SPIRE1: variants seen among roughly 807,000 people sequenced by gnomAD.
SPIRE1 encodes the protein spire type actin nucleation factor 1, also known as protein spire homolog 1.
Under a neutral mutation model 94.1 loss-of-function variants are expected in SPIRE1, and 40 were observed. The ratio of observed to expected loss-of-function variants is 0.43; its 90% CI spans 0.33 to 0.55. The LOEUF (loss-of-function observed/expected upper bound fraction) is 0.55. Among genes scored for constraint, SPIRE1 ranks in the 20% least tolerant of loss-of-function variants. The probability of loss-of-function intolerance (pLI) is 0.06; values close to 1 mark genes in which losing one functional copy is unlikely to be tolerated. For missense variants in SPIRE1, 838 were observed against 975.2 expected (o/e 0.86, Z 1.87); for synonymous variants, 376 against 371.7 (o/e 1.01, Z -0.13).
At chr18:12,450,968 GC>G in intron 16 of SPIRE1, 1 of 624,042 alleles carries the variant, frequency 1.6e-6, no homozygotes, top group South Asian at 1.5e-5. Flanking sequence ...TGCTAAAGTT[GC>G]CCAGAAAAAG....
chr18:12,467,885 G>A (rs1297874676), intron 10 of SPIRE1, among the ~76,000 whole-genome samples: 2 of 152,124 alleles, frequency 1.3e-5, no homozygotes, highest in Admixed American at 1.3e-4. Context: ...GGAGGTGGAG[G>A]TTGCGGTGAG....
At chr18:12,531,870 C>A (rs1402812289) in intron 4 of SPIRE1, among the ~76,000 whole-genome samples, 1 of 152,204 alleles carries the variant, frequency 6.6e-6, no homozygotes, top group Non-Finnish European at 1.5e-5. Flanking sequence ...ACTGCCCCCT[C>A]TGCACAGCAC....
At chr18:12,525,140 G>C (rs934411330) in intron 4 of SPIRE1, among the ~76,000 whole-genome samples, 3 of 151,466 alleles carry the variant, frequency 2.0e-5, no homozygotes, top group African/African-American at 7.3e-5. Context: ...AGCCGGGCGT[G>C]GTGGCGGGCG....
intron 2 of SPIRE1, among the ~76,000 whole-genome samples, chr18:12,624,785 T>A (rs1012210604): frequency 6.8e-6 from 1 of 146,536 alleles, no homozygotes; most frequent in African/African-American, 2.5e-5. Context: ...TGAGCCGAGA[T>A]CACGCCACTG....
chr18:12,546,824 A>T lies in SPIRE1; in HGVS notation c.453T>A (p.Pro151=). 6.2e-7 allele frequency: 1 copy of T among 1,613,894 alleles called. No individual in the cohort carries two copies. Among genetic ancestry groups the T allele is most frequent in the Non-Finnish European group, 8.5e-7 (1 of 1,179,972 alleles). Residue 151 remains proline (P), a synonymous_variant, in exon 3 of 17, where the codon CCT becomes CCA. Transcript: ENST00000409402. The part of the protein sequence containing the change: ...LKENEERELS[P]PLEQLIDHMA... ...TGTGATCGATAAGCTGCTCTAGGGG[A>T]GGGCTTAATTCCCTTTCTTCATTCT...
At chr18:12,457,152 A>G (rs536324685) in intron 12 of SPIRE1, among the ~76,000 whole-genome samples, 1 of 152,304 alleles carries the variant, frequency 6.6e-6, no homozygotes, top group South Asian at 2.1e-4. Flanking sequence ...TAATTTAAAA[A>G]TAGTAGATTT....
intron 10 of SPIRE1, among the ~76,000 whole-genome samples, chr18:12,476,564 AATATATATAT>A (rs1261493981): frequency 5.7e-4 from 40 of 69,842 alleles, no homozygotes; most frequent in East Asian, 4.0e-3. Flanking sequence ...AAAAAAAAAA[AATATATATAT>A]ATATATATAT....
chr18:12,530,827 C>A (rs1273526190), intron 4 of SPIRE1, among the ~76,000 whole-genome samples: 1 of 152,088 alleles, frequency 6.6e-6, no homozygotes, highest in Admixed American at 6.6e-5. Flanking sequence ...AAACAGTGTA[C>A]TCTTATGATA....
At chr18:12,610,796 T>C (rs938488179) in intron 2 of SPIRE1, among the ~76,000 whole-genome samples, 27 of 152,142 alleles carry the variant, frequency 1.8e-4, no homozygotes, top group African/African-American at 4.8e-5. Context: ...ACCTCTTCTC[T>C]CATCCTCATT....
chr18:12,601,599 G>A (rs1309352262), intron 2 of SPIRE1, among the ~76,000 whole-genome samples: 2 of 152,112 alleles, frequency 1.3e-5, no homozygotes. Flanking sequence ...TATCACTCCA[G>A]ATGAAAGAAA....
In SPIRE1 at chr18:12,649,316, G is replaced by C. The variant is rs568772852; in HGVS notation, c.337+8214C>G. On this transcript the variant is annotated intron_variant, in intron 1 of 16. Coordinates refer to ENST00000409402, the MANE Select transcript of SPIRE1 (RefSeq NM_001128626.2). ...CCCAGCTACATGGGAGGCTGAGGTA[G>C]GAAGACTGCTTGAATCCAGGAGCCG... is the stretch of plus-strand genomic sequence containing the variant. Among the ~76,000 whole-genome samples the C allele has an allele frequency of 2.0e-4, 31 of 152,160 alleles. No homozygotes were observed. The East Asian group carries it at 5.2e-3, about 26-fold the overall frequency.
chr18:12,571,275 A>G (rs188972412), intron 2 of SPIRE1, among the ~76,000 whole-genome samples: 6 of 152,146 alleles, frequency 3.9e-5, no homozygotes, highest in African/African-American at 1.4e-4. Flanking sequence ...AGGTTTCACT[A>G]TGTTGGCTAG....
chr18:12,637,253 G>A (rs2037956569), intron 1 of SPIRE1, among the ~76,000 whole-genome samples: 2 of 151,794 alleles, frequency 1.3e-5, no homozygotes, highest in Non-Finnish European at 2.9e-5. Context: ...CAGCTACTCG[G>A]GAGGCTGAGG....
chr18:12,661,855 A>AT (rs1471939087), upstream of SPIRE1: 1 of 161,796 alleles, frequency 6.2e-6, no homozygotes, highest in Non-Finnish European at 1.4e-5. Context: ...CATTGATTGT[A>AT]TTTTTACTCT....
At chr18:12,602,474 C>T (rs1210062993) in intron 2 of SPIRE1, among the ~76,000 whole-genome samples, 1 of 152,098 alleles carries the variant, frequency 6.6e-6, no homozygotes, top group African/African-American at 2.4e-5. Context: ...GGGAGTTCAC[C>T]CTTTGAGATT....
intron 2 of SPIRE1, among the ~76,000 whole-genome samples, chr18:12,622,181 G>T (rs2037489999): frequency 6.6e-6 from 1 of 152,086 alleles, no homozygotes; most frequent in African/African-American, 2.4e-5. Flanking sequence ...AGTTGGGTTT[G>T]TTCCCAAACC....
intron 4 of SPIRE1, among the ~76,000 whole-genome samples, chr18:12,517,795 C>A (rs1250598317): frequency 6.6e-6 from 1 of 152,194 alleles, no homozygotes; most frequent in East Asian, 1.9e-4. Context: ...GGTTCAACAT[C>A]AGCTCACATA....
At chr18:12,607,529 G>A (rs2037013003) in intron 2 of SPIRE1, among the ~76,000 whole-genome samples, 1 of 151,368 alleles carries the variant, frequency 6.6e-6, no homozygotes, top group African/African-American at 2.4e-5. Flanking sequence ...CAGTTACACA[G>A]TCATTCATGA....
chr18:12,635,315 A>G (rs1240314078), intron 1 of SPIRE1, among the ~76,000 whole-genome samples: 1 of 152,200 alleles, frequency 6.6e-6, no homozygotes, highest in Non-Finnish European at 1.5e-5. Flanking sequence ...AGGTGAGAAA[A>G]AAATGCTTAA....
Sources: allele counts gnomAD v4.1 joint callset (sites outside exome capture counted in the v4.1 genomes callset), GRCh38; gene constraint gnomAD v4.1.1; transcripts MANE v1.5; gene names NCBI Gene and HGNC (gene_info 2026-07-23, HGNC 2026-07-21).